The following PTPRK variants were observed in gnomAD, a reference collection of about 807,000 sequenced individuals.
PTPRK encodes receptor-type tyrosine-protein phosphatase kappa.
PTPRK carries 75 observed loss-of-function variants against 178.0 expected under a neutral mutation model. The ratio of observed to expected loss-of-function variants is 0.42; its 90% CI spans 0.35 to 0.51. The LOEUF is 0.51. PTPRK is among the 20% of genes least tolerant of loss of function. The pLI is 0.02. For missense variants in PTPRK, 1,441 were observed against 1,797.8 expected (o/e 0.80, Z 3.59); for synonymous variants, 637 against 620.6 (o/e 1.03, Z -0.39).
Position 128,115,609 on chromosome 6 carries a change from T to C in PTPRK, c.1163-25617A>G, listed in dbSNP as rs145972508. ...TTCACACTAAAGTTTTATAGATGCT[T>C]TTTTCCATCATTAAAATGGGAATGC... On this transcript the variant is annotated intron_variant, in intron 7 of 29. Transcript: ENST00000368226. Among the ~76,000 whole-genome samples the C allele has an allele frequency of 1.4e-4, 21 of 152,190 alleles. No homozygotes were observed. In the East Asian group the frequency reaches 4.0e-3, roughly 29 times the overall value.
intron 6 of PTPRK, among the ~76,000 whole-genome samples, chr6:128,216,999 G>C (rs1454408122): frequency 6.6e-6 from 1 of 152,042 alleles, no homozygotes; most frequent in East Asian, 1.9e-4. Context: ...TCCTTCACTG[G>C]TTGCAAATTG....
intron 6 of PTPRK, among the ~76,000 whole-genome samples, chr6:128,212,076 A>G (rs1399190121): frequency 1.3e-5 from 2 of 152,032 alleles, no homozygotes; most frequent in Non-Finnish European, 2.9e-5. Context: ...CAGTTAGAAA[A>G]TAGGTAGACT....
chr6:128,090,082 C>A (rs1232225361), intron 7 of PTPRK, 90 bp from the exon 8 acceptor site: 2 of 1,015,490 alleles, frequency 2.0e-6, no homozygotes, highest in Non-Finnish European at 2.9e-6. Flanking sequence ...ATAGCATATG[C>A]AAATCTAGAA....
chr6:127,991,738 G>A (rs1311389813), intron 19 of PTPRK, among the ~76,000 whole-genome samples: 1 of 151,360 alleles, frequency 6.6e-6, no homozygotes, highest in African/African-American at 2.4e-5. Flanking sequence ...CAACCAGACA[G>A]CATATATTAC....
chr6:128,101,085 G>A (rs1273359492), intron 7 of PTPRK, among the ~76,000 whole-genome samples: 1 of 151,996 alleles, frequency 6.6e-6, no homozygotes, highest in Non-Finnish European at 1.5e-5. Flanking sequence ...GAAGTATTAT[G>A]TAGAAGGTTC....
intron 1 of PTPRK, among the ~76,000 whole-genome samples, chr6:128,459,656 C>T (rs538862247): frequency 6.6e-6 from 1 of 152,300 alleles, no homozygotes; most frequent in East Asian, 1.9e-4. Context: ...CCTTCATGGG[C>T]TGCCATTTCT....
intron 1 of PTPRK, among the ~76,000 whole-genome samples, chr6:128,410,319 G>A (rs928832988): frequency 9.2e-5 from 14 of 152,104 alleles, no homozygotes; most frequent in African/African-American, 3.1e-4. Context: ...AGCTCAACAA[G>A]TAAATATACC....
chr6:128,456,453 G>GT (rs1848410040), intron 1 of PTPRK, among the ~76,000 whole-genome samples: 1 of 151,854 alleles, frequency 6.6e-6, no homozygotes, highest in Non-Finnish European at 1.5e-5. Flanking sequence ...AAAAAAATGA[G>GT]TAAAACCATA....
intron 7 of PTPRK, among the ~76,000 whole-genome samples, chr6:128,118,189 AT>A (rs1791871069): frequency 1.3e-5 from 2 of 152,168 alleles, no homozygotes; most frequent in Non-Finnish European, 2.9e-5. Flanking sequence ...TTGCTCTTCT[AT>A]CCATCAGAGT....
chr6:128,455,107 G>A (rs1848236715), intron 1 of PTPRK, among the ~76,000 whole-genome samples: 2 of 152,048 alleles, frequency 1.3e-5, no homozygotes, highest in Admixed American at 1.3e-4. Context: ...CCTAAATGAT[G>A]TTAATTATGT....
intron 3 of PTPRK, among the ~76,000 whole-genome samples, chr6:128,264,009 A>C (rs1352639910): frequency 1.3e-5 from 2 of 151,052 alleles, no homozygotes; most frequent in African/African-American, 2.5e-5. Flanking sequence ...GGTATGAAGC[A>C]GACTACTACA....
intron 13 of PTPRK, among the ~76,000 whole-genome samples, chr6:128,024,759 G>A (rs1410851913): frequency 1.3e-5 from 2 of 152,106 alleles, no homozygotes; most frequent in East Asian, 1.9e-4. Context: ...GCAGTGAGCC[G>A]AGATCGTGGC....
intron 6 of PTPRK, among the ~76,000 whole-genome samples, chr6:128,216,490 C>T (rs1183798182): frequency 1.3e-5 from 2 of 151,284 alleles, no homozygotes; most frequent in African/African-American, 4.9e-5. Flanking sequence ...AGCCGAGATC[C>T]TGCCACTGCA....
intron 2 of PTPRK, among the ~76,000 whole-genome samples, chr6:128,391,388 T>C (rs969878042): frequency 6.6e-6 from 1 of 152,194 alleles, no homozygotes; most frequent in Non-Finnish European, 1.5e-5. Context: ...CAATGCTAAG[T>C]AGATGACAAA....
intron 3 of PTPRK, among the ~76,000 whole-genome samples, chr6:128,274,249 C>G (rs534427539): frequency 7.9e-5 from 12 of 152,144 alleles, no homozygotes; most frequent in African/African-American, 2.9e-4. Context: ...CTTAAATTTC[C>G]TGAAAGAACT....
chr6:128,184,369 G>C, intron 7 of PTPRK, 63 bp downstream of exon 7: 1 of 1,481,556 alleles, frequency 6.7e-7, no homozygotes, highest in Non-Finnish European at 9.2e-7. Flanking sequence ...AACACTGCAT[G>C]TATTAATGTG....
At chr6:128,397,265 AT>A (rs958775563) in intron 2 of PTPRK, among the ~76,000 whole-genome samples, 5 of 150,824 alleles carry the variant, frequency 3.3e-5, no homozygotes, top group Non-Finnish European at 4.4e-5. Context: ...TTTGGAAAGG[AT>A]TTTTTTTTGT....
rs1040393910 is a variant in PTPRK at position 128,078,972 on chromosome 6, C to T, written c.1778-54G>A. 1.6e-5 allele frequency: 19 copies of T among 1,183,056 alleles called. No individual in the cohort carries two copies. In the East Asian group the frequency reaches 2.6e-4, roughly 16 times the overall value. 73.3% of individuals were successfully genotyped at this position (1,183,056 alleles called of 1,614,324 possible). On this transcript the variant is annotated intron_variant, in intron 10 of 29. Coordinates refer to ENST00000368226, the MANE Select transcript of PTPRK (RefSeq NM_002844.4). ...GTTCAATTAATTTACAGTAATATAT[C>T]ACAGGTCAGAATGAACAGACAATCT...
At chr6:127,992,629 G>A (rs1365986769) in intron 19 of PTPRK, 44 bp downstream of exon 19, 2 of 1,515,136 alleles carry the variant, frequency 1.3e-6, no homozygotes, top group Non-Finnish European at 1.8e-6. Context: ...AGATGAATAA[G>A]CAAGTTTGTT....
Sources: gnomAD v4.1 joint callset for allele counts (sites outside exome capture counted in the v4.1 genomes callset) on GRCh38, gnomAD v4.1.1 for gene constraint, MANE v1.5 for transcripts, NCBI Gene and HGNC (gene_info 2026-07-23, HGNC 2026-07-21) for gene names.